Variants in PDXDC1 observed in about 807,000 individuals in gnomAD.
PDXDC1 encodes pyridoxal-dependent decarboxylase domain-containing protein 1.
In PDXDC1, 42 loss-of-function variants were observed where a neutral mutation model predicts 100.1. That is an observed-to-expected ratio of 0.42 (90% CI 0.33 to 0.54). PDXDC1 has a LOEUF of 0.54. Ranked by LOEUF, PDXDC1 falls within the 20% of genes least tolerant of loss-of-function variation. The pLI, the probability that PDXDC1 is intolerant of heterozygous loss-of-function variation, is 0.10. For missense variants in PDXDC1, 636 were observed against 979.2 expected (o/e 0.65, Z 4.68); for synonymous variants, 260 against 371.7 (o/e 0.70, Z 3.46).
intron 16 of PDXDC1, among the ~76,000 whole-genome samples, chr16:15,066,042 G>C (rs1246663815): frequency 6.6e-6 from 1 of 152,224 alleles, no homozygotes; most frequent in African/African-American, 2.4e-5. Flanking sequence ...CTATTGGACA[G>C]CTTCTCCAAG....
At chr16:15,015,198 C>T (rs2041694310) in intron 8 of PDXDC1, among the ~76,000 whole-genome samples, 1 of 152,352 alleles carries the variant, frequency 6.6e-6, no homozygotes, top group Non-Finnish European at 1.5e-5. Flanking sequence ...GCCTGGGCCT[C>T]CCAGAGTGCT....
intron 16 of PDXDC1, chr16:15,131,549 G>A (rs1288548025): frequency 1.2e-6 from 2 of 1,606,312 alleles, no homozygotes; most frequent in Admixed American, 1.7e-5. Flanking sequence ...GCCAGTGTCA[G>A]GGGCTCCTCG....
chr16:15,132,745 G>C, intron 16 of PDXDC1: 4 of 1,111,470 alleles, frequency 3.6e-6, no homozygotes, highest in Non-Finnish European at 5.4e-6. Flanking sequence ...GCGCAGCAGC[G>C]ATCTGCTGGA....
At chr16:15,125,942 G>T (rs2047694485) in intron 16 of PDXDC1, 7 of 630,778 alleles carry the variant, frequency 1.1e-5, no homozygotes, top group Non-Finnish European at 1.7e-5. Context: ...GGATATATGG[G>T]ACATCTGCAC....
chr16:15,072,352 G>T (rs1255316558), intron 16 of PDXDC1, among the ~76,000 whole-genome samples: 2 of 151,980 alleles, frequency 1.3e-5, no homozygotes, highest in Non-Finnish European at 2.9e-5. Flanking sequence ...CCCTTGGAAA[G>T]AATAAAGGAA....
chr16:15,021,836 C>T (rs1479878355), intron 12 of PDXDC1, among the ~76,000 whole-genome samples: 1 of 152,294 alleles, frequency 6.6e-6, no homozygotes, highest in African/African-American at 2.4e-5. Context: ...CCTCTTCCTT[C>T]TCTTCTCCCT....
At chr16:14,985,432 C>T (rs1377704444) in intron 1 of PDXDC1, among the ~76,000 whole-genome samples, 6 of 152,222 alleles carry the variant, frequency 3.9e-5, no homozygotes, top group African/African-American at 7.2e-5. Flanking sequence ...GGACTACAGG[C>T]GCCCGCCAGC....
At chr16:15,147,383 A>G in the PDXDC1 span, among the ~76,000 whole-genome samples, 2 of 152,172 alleles carry the variant, frequency 1.3e-5, no homozygotes, top group Admixed American at 1.3e-4. Flanking sequence ...ACGGCTTCTC[A>G]GAGCCTCAAT....
chr16:15,037,943 C>A lies in PDXDC1; in HGVS notation c.*1668C>A. The A allele has an allele frequency of 3.3e-6, 3 of 903,946 alleles. No homozygotes were observed. Among genetic ancestry groups the A allele is most frequent in the Non-Finnish European group, 3.5e-6 (2 of 575,192 alleles). The allele number at this position is 903,946 out of a possible 1,614,324, so 56.0% of individuals were successfully genotyped here. On this transcript the variant is annotated 3_prime_UTR_variant, in exon 23 of 23. Transcript: ENST00000396410. ...GGAGGGAAGGAGGCCTAAGACCCAA[C>A]AGATGTAGGATCCAGATCTGGATTC...
intron 1 of PDXDC1, among the ~76,000 whole-genome samples, chr16:14,985,380 C>T (rs1362122110): frequency 1.3e-5 from 2 of 151,598 alleles, no homozygotes; most frequent in African/African-American, 4.8e-5. Flanking sequence ...CTCCGCCTCC[C>T]GGGTTCACGC....
At chr16:15,051,701 T>TA (rs1047010572) in intron 16 of PDXDC1, among the ~76,000 whole-genome samples, 1 of 146,570 alleles carries the variant, frequency 6.8e-6, no homozygotes, top group African/African-American at 2.5e-5. Context: ...ATTTTTAATT[T>TA]TTTTTTTTTT....
At chr16:15,132,967 G>C in intron 16 of PDXDC1, 1 of 1,556,484 alleles carries the variant, frequency 6.4e-7, no homozygotes, top group Non-Finnish European at 8.7e-7. Context: ...GCAGTTACGT[G>C]CTAGATGCTG....
chr16:15,010,210 C>G (rs1271192535), intron 8 of PDXDC1: 1 of 168,438 alleles, frequency 5.9e-6, no homozygotes, highest in Admixed American at 6.3e-5. Flanking sequence ...CCACATCTGG[C>G]TAATTTCTTG....
At chr16:15,085,988 AC>A (rs2045902667) in intron 16 of PDXDC1, 6 of 667,608 alleles carry the variant, frequency 9.0e-6, no homozygotes, top group Non-Finnish European at 1.6e-5. Flanking sequence ...AGGGGTCATT[AC>A]GGGGAATATA....
chr16:15,036,382 T>G lies in PDXDC1; in HGVS notation c.*107T>G. The G allele has an allele frequency of 8.6e-7, 1 of 1,157,142 alleles. No homozygotes were observed. The highest frequency in any genetic ancestry group is 1.5e-5 in the South Asian group (1 of 65,720). 71.7% of individuals were successfully genotyped at this position (1,157,142 alleles called of 1,614,324 possible). A position where few individuals can be genotyped will look rare whatever the true frequency, so the allele number is the denominator to read the frequency against. ...TACTAATATAAATTACTGTTGTTTG[T>G]GCTTCACTGGGATTTTGGCACAAAT... On this transcript the variant is annotated 3_prime_UTR_variant, in exon 23 of 23. Coordinates refer to ENST00000396410, the MANE Select transcript of PDXDC1 (RefSeq NM_015027.4).
chr16:15,055,373 C>T (rs186282500), intron 16 of PDXDC1, among the ~76,000 whole-genome samples: 4 of 152,212 alleles, frequency 2.6e-5, no homozygotes, highest in Admixed American at 6.5e-5. Context: ...CGGCGCCCTA[C>T]GCCCCGGGGG....
At chr16:14,986,193 C>T (rs1240320566) in intron 1 of PDXDC1, among the ~76,000 whole-genome samples, 1 of 152,286 alleles carries the variant, frequency 6.6e-6, no homozygotes, top group Non-Finnish European at 1.5e-5. Flanking sequence ...TCAGTTCTGG[C>T]TGGGTGCAGA....
At chr16:15,007,136 T>G (rs1446185313) in intron 6 of PDXDC1, among the ~76,000 whole-genome samples, 1 of 150,520 alleles carries the variant, frequency 6.6e-6, no homozygotes, top group African/African-American at 2.4e-5. Flanking sequence ...CAGTCTAGAA[T>G]TGCTGGATCA....
chr16:15,064,249 C>G lies in PDXDC1; in HGVS notation c.1399+34193C>G, dbSNP rs542004088. On this transcript the variant is annotated intron_variant, in intron 16 of 16. Transcript: ENST00000535621. ...GGAGTGCATTGGTGCAATCTCGGCT[C>G]ACTGCAACCTCCACCTCCCGGGTTC... 1.8e-4 allele frequency among the ~76,000 whole-genome samples: 27 copies of G among 152,084 alleles called. No homozygotes were observed. In the South Asian group the frequency reaches 5.0e-3, roughly 28 times the overall value.
Sources: allele counts gnomAD v4.1 joint callset (sites outside exome capture counted in the v4.1 genomes callset), GRCh38; gene constraint gnomAD v4.1.1; transcripts MANE v1.5; gene names NCBI Gene and HGNC (gene_info 2026-07-23, HGNC 2026-07-21).